The following GRM8 variants were observed in gnomAD, a reference collection of about 807,000 sequenced individuals.
The protein encoded by GRM8 is glutamate metabotropic receptor 8, also known as metabotropic glutamate receptor 8.
Under a neutral mutation model 87.2 loss-of-function variants are expected in GRM8, and 47 were observed. The observed-to-expected ratio is 0.54, with a 90% CI of 0.43 to 0.69. The LOEUF is 0.69. GRM8 is among the 30% of genes least tolerant of loss of function. The pLI, the probability that GRM8 is intolerant of heterozygous loss-of-function variation, is 0.00. For synonymous variants in GRM8, 396 were observed against 404.5 expected (o/e 0.98, Z 0.25); for missense variants, 1,019 against 1,139.2 (o/e 0.89, Z 1.52).
At chr7:127,080,194 TA>T (rs1054369228) in intron 3 of GRM8, among the ~76,000 whole-genome samples, 4 of 151,734 alleles carry the variant, frequency 2.6e-5, no homozygotes, top group South Asian at 2.1e-4. Context: ...AAGGTCATCA[TA>T]AAAAAAAGAC....
At chr7:126,622,424 A>G (rs888828667) in intron 7 of GRM8, among the ~76,000 whole-genome samples, 2 of 152,068 alleles carry the variant, frequency 1.3e-5, no homozygotes, top group Non-Finnish European at 2.9e-5. Context: ...TTCCCCTGTC[A>G]TTCCGGCTTG....
intron 2 of GRM8, among the ~76,000 whole-genome samples, chr7:127,127,267 C>A (rs907891094): frequency 2.0e-5 from 3 of 152,108 alleles, no homozygotes; most frequent in East Asian, 3.9e-4. Context: ...CATAATCCAG[C>A]AATTCTACTA....
intron 2 of GRM8, among the ~76,000 whole-genome samples, chr7:127,196,371 T>C (rs1795276901): frequency 1.3e-5 from 2 of 151,860 alleles, no homozygotes; most frequent in Admixed American, 6.6e-5. Flanking sequence ...ATATAAAAAT[T>C]AGCCAGGTGT....
At chr7:126,603,502 A>C (rs11761793) in intron 8 of GRM8, among the ~76,000 whole-genome samples, 31,229 of 151,502 alleles carry the variant, frequency 0.21, 3,417 homozygotes, top group African/African-American at 0.29. Flanking sequence ...GTCTCAGCCC[A>C]AAATCTCCTT....
chr7:127,165,884 T>C (rs1166032359), intron 2 of GRM8, among the ~76,000 whole-genome samples: 1 of 152,156 alleles, frequency 6.6e-6, no homozygotes, highest in Admixed American at 6.6e-5. Flanking sequence ...GGTGTGTTTT[T>C]GGTACTGGTA....
chr7:126,611,196 T>C (rs1039618916), intron 7 of GRM8, among the ~76,000 whole-genome samples: 1 of 152,200 alleles, frequency 6.6e-6, no homozygotes, highest in Non-Finnish European at 1.5e-5. Context: ...CTACTCCTTA[T>C]ATATGGAAGT....
At chr7:127,098,270 T>C (rs1441193207) in intron 3 of GRM8, among the ~76,000 whole-genome samples, 1 of 152,234 alleles carries the variant, frequency 6.6e-6, no homozygotes, top group East Asian at 1.9e-4. Flanking sequence ...ATTCATAGTA[T>C]TTTACAACAT....
intron 7 of GRM8, among the ~76,000 whole-genome samples, chr7:126,627,334 C>A (rs1476731042): frequency 6.6e-6 from 1 of 152,224 alleles, no homozygotes; most frequent in Non-Finnish European, 1.5e-5. Context: ...TGCTACTAAA[C>A]ATCCCACAAG....
intron 7 of GRM8, among the ~76,000 whole-genome samples, chr7:126,645,202 T>C (rs535775009): frequency 3.4e-4 from 51 of 152,228 alleles, no homozygotes; most frequent in Non-Finnish European, 5.9e-4. Context: ...TCTTCTGAGA[T>C]GTAGGCATAG....
intron 6 of GRM8, among the ~76,000 whole-genome samples, chr7:126,859,371 C>T (rs2130799176): frequency 6.6e-6 from 1 of 152,302 alleles, no homozygotes; most frequent in East Asian, 1.9e-4. Flanking sequence ...ATTAACTCAT[C>T]TTGAGGTATG....
chr7:126,602,214 C>G (rs1797855247), intron 8 of GRM8, among the ~76,000 whole-genome samples: 1 of 142,950 alleles, frequency 7.0e-6, no homozygotes, highest in Non-Finnish European at 1.5e-5. Flanking sequence ...GCTTGTTTTT[C>G]TCAGGTTTGT....
At chr7:127,000,793 C>T (rs970371723) in intron 3 of GRM8, among the ~76,000 whole-genome samples, 2 of 151,418 alleles carry the variant, frequency 1.3e-5, no homozygotes, top group Admixed American at 6.6e-5. Flanking sequence ...GGTGACACGA[C>T]GATGCAAATG....
intron 8 of GRM8, among the ~76,000 whole-genome samples, chr7:126,590,040 G>A (rs62477872): frequency 0.31 from 46,852 of 151,552 alleles, 8,121 homozygotes; most frequent in East Asian, 0.44. Context: ...GTCTTGATAT[G>A]CCAGAAAAAG....
intron 8 of GRM8, among the ~76,000 whole-genome samples, chr7:126,600,173 T>A (rs1380914590): frequency 6.6e-6 from 1 of 152,186 alleles, no homozygotes; most frequent in Non-Finnish European, 1.5e-5. Flanking sequence ...CCTGTATAAT[T>A]ATGCAATTAT....
At chr7:126,798,356 A>G (rs1822224269) in intron 6 of GRM8, among the ~76,000 whole-genome samples, 1 of 152,276 alleles carries the variant, frequency 6.6e-6, no homozygotes, top group Non-Finnish European at 1.5e-5. Context: ...ATAGTCCAGA[A>G]GTCTAAGGCA....
chr7:126,714,912 A>G (rs1811552460), intron 7 of GRM8, among the ~76,000 whole-genome samples: 1 of 152,176 alleles, frequency 6.6e-6, no homozygotes. Context: ...GGAAGAGAAA[A>G]TTCATTCATA....
At chr7:126,953,413 G>A (rs17863168) in intron 3 of GRM8, among the ~76,000 whole-genome samples, 14,714 of 152,024 alleles carry the variant, frequency 0.097, 778 homozygotes, top group Middle Eastern at 0.15. Flanking sequence ...GCCTTAAAAA[G>A]CTTTTGTCAT....
chr7:126,973,045 A>T (rs1474665376), intron 3 of GRM8, among the ~76,000 whole-genome samples: 1 of 152,210 alleles, frequency 6.6e-6, no homozygotes, highest in Non-Finnish European at 1.5e-5. Context: ...TCCTATCTTT[A>T]TTAGCTATGT....
At chr7:126,582,985 A>G (rs1329834394) in intron 8 of GRM8, among the ~76,000 whole-genome samples, 1 of 152,236 alleles carries the variant, frequency 6.6e-6, no homozygotes, top group Non-Finnish European at 1.5e-5. Context: ...TGTTGTTTTC[A>G]TGCCTGAATA....
Sources: allele counts gnomAD v4.1 joint callset (sites outside exome capture counted in the v4.1 genomes callset), GRCh38; gene constraint gnomAD v4.1.1; transcripts MANE v1.5; gene names NCBI Gene and HGNC (gene_info 2026-07-23, HGNC 2026-07-21).